Variants in CPA6 observed in about 807,000 individuals in gnomAD.
CPA6 encodes the protein carboxypeptidase A6.
CPA6 carries 58 observed loss-of-function variants against 63.3 expected under a neutral mutation model. The observed-to-expected ratio is 0.92, with a 90% CI of 0.74 to 1.14. The LOEUF is 1.14. Ranked by LOEUF, CPA6 falls within the 50% of genes most tolerant of loss-of-function variation. CPA6 has a pLI of 0.00. For missense variants in CPA6, 565 were observed against 526.6 expected (o/e 1.07, Z -0.71); for synonymous variants, 185 against 179.0 (o/e 1.03, Z -0.27).
At chr8:67,587,021 T>C (rs963106117) in intron 2 of CPA6, among the ~76,000 whole-genome samples, 3 of 152,242 alleles carry the variant, frequency 2.0e-5, no homozygotes, top group Admixed American at 6.5e-5. Context: ...GAAACTAGTA[T>C]GGCAAAGGCC....
intron 1 of CPA6, chr8:67,735,215 A>G (rs1817789750): frequency 6.6e-6 from 1 of 152,210 alleles, no homozygotes; most frequent in African/African-American, 2.4e-5. Context: ...GGATTAAAAC[A>G]TAAGCCCTCA....
intron 2 of CPA6, among the ~76,000 whole-genome samples, chr8:67,533,504 G>C (rs7831538): frequency 6.6e-6 from 1 of 151,848 alleles, no homozygotes; most frequent in Non-Finnish European, 1.5e-5. Flanking sequence ...AAATGAATTC[G>C]GGCACTATAG....
At chr8:67,662,071 G>C (rs186389150) in intron 1 of CPA6, among the ~76,000 whole-genome samples, 1 of 152,190 alleles carries the variant, frequency 6.6e-6, no homozygotes, top group Admixed American at 6.5e-5. Context: ...CCCCTCCTAA[G>C]ACCATGATTT....
At chr8:67,530,074 A>T (rs1422667552) in intron 2 of CPA6, among the ~76,000 whole-genome samples, 1 of 152,258 alleles carries the variant, frequency 6.6e-6, no homozygotes, top group Non-Finnish European at 1.5e-5. Context: ...AAGAGAGGAT[A>T]TGTTCAAGAA....
chr8:67,532,316 A>G (rs188608183), intron 2 of CPA6, among the ~76,000 whole-genome samples: 5 of 152,276 alleles, frequency 3.3e-5, no homozygotes, highest in Admixed American at 3.3e-4. Flanking sequence ...TAAGAAAGTG[A>G]CATAAATGTA....
intron 9 of CPA6, chr8:67,429,592 G>C (rs1300294348): frequency 6.6e-6 from 1 of 152,130 alleles, no homozygotes; most frequent in Non-Finnish European, 1.5e-5. Context: ...TGATCTCACT[G>C]ACGATGACAT....
At chr8:67,745,986 T>G (rs1048228849) in intron 1 of CPA6, 28 bp downstream of exon 1, 6 of 1,552,762 alleles carry the variant, frequency 3.9e-6, no homozygotes, top group Non-Finnish European at 5.3e-6. Flanking sequence ...ATCAAAGCTG[T>G]GTAGGGCATG....
intron 6 of CPA6, among the ~76,000 whole-genome samples, chr8:67,485,874 A>C (rs1031499209): frequency 6.6e-6 from 1 of 152,184 alleles, no homozygotes; most frequent in East Asian, 1.9e-4. Context: ...GCATTAATGC[A>C]CTCTGGTCTA....
intron 8 of CPA6, among the ~76,000 whole-genome samples, chr8:67,467,882 C>A (rs558334516): frequency 2.3e-5 from 3 of 131,000 alleles, no homozygotes; most frequent in African/African-American, 1.1e-4. Flanking sequence ...AGCGAAACCC[C>A]GTCTAAAAAA....
chr8:67,505,238 A>C (rs1321929865), intron 6 of CPA6, among the ~76,000 whole-genome samples: 1 of 152,202 alleles, frequency 6.6e-6, no homozygotes, highest in Non-Finnish European at 1.5e-5. Flanking sequence ...TGCATTAACA[A>C]ATATTTGAAC....
chr8:67,480,192 G>T (rs147509222), intron 8 of CPA6, among the ~76,000 whole-genome samples: 1 of 152,020 alleles, frequency 6.6e-6, no homozygotes, highest in African/African-American at 2.4e-5. Flanking sequence ...TAGCTGTATT[G>T]CTTTATAATC....
chr8:67,594,829 C>T (rs1445336141), intron 2 of CPA6, among the ~76,000 whole-genome samples: 2 of 152,170 alleles, frequency 1.3e-5, no homozygotes, highest in Non-Finnish European at 2.9e-5. Context: ...GTTTGAATTT[C>T]CTCCTGTAGC....
At chr8:67,609,028 G>C (rs1460658562) in intron 2 of CPA6, among the ~76,000 whole-genome samples, 1 of 152,188 alleles carries the variant, frequency 6.6e-6, no homozygotes, top group East Asian at 1.9e-4. Flanking sequence ...CCATCCCAAT[G>C]GGTATGCCAG....
intron 1 of CPA6, among the ~76,000 whole-genome samples, chr8:67,632,514 G>A (rs1228335113): frequency 1.3e-5 from 2 of 152,116 alleles, no homozygotes; most frequent in Middle Eastern, 3.4e-3. Context: ...TTCTCAGTAT[G>A]TTGCCCAGGC....
chr8:67,643,608 G>A (rs1815644331), intron 1 of CPA6, among the ~76,000 whole-genome samples: 1 of 152,140 alleles, frequency 6.6e-6, no homozygotes, highest in South Asian at 2.1e-4. Flanking sequence ...GAAGGAAGGG[G>A]AGAGGGAAAG....
At chr8:67,732,953 T>C (rs546729551) in intron 1 of CPA6, among the ~76,000 whole-genome samples, 2 of 151,942 alleles carry the variant, frequency 1.3e-5, no homozygotes, top group South Asian at 2.1e-4. Flanking sequence ...TCCCATCTCT[T>C]TGGGAGGCTG....
At chr8:67,595,977 G>A (rs929997826) in intron 2 of CPA6, among the ~76,000 whole-genome samples, 28 of 152,330 alleles carry the variant, frequency 1.8e-4, no homozygotes, top group African/African-American at 5.3e-4. Flanking sequence ...CTTCTGCGTC[G>A]CTCACGCTGG....
At chr8:67,652,857 G>A (rs1053981683) in intron 1 of CPA6, among the ~76,000 whole-genome samples, 1 of 151,078 alleles carries the variant, frequency 6.6e-6, no homozygotes, top group Non-Finnish European at 1.5e-5. Flanking sequence ...TTCTTCTAGG[G>A]TTTTTATGGT....
At chr8:67,574,164 T>C (rs2128976966) in intron 2 of CPA6, among the ~76,000 whole-genome samples, 1 of 151,720 alleles carries the variant, frequency 6.6e-6, no homozygotes, top group Non-Finnish European at 1.5e-5. Context: ...GATCACTTGA[T>C]GTCAGGAGTT....
Sources: gnomAD v4.1 joint callset for allele counts (sites outside exome capture counted in the v4.1 genomes callset) on GRCh38, gnomAD v4.1.1 for gene constraint, MANE v1.5 for transcripts, NCBI Gene and HGNC (gene_info 2026-07-23, HGNC 2026-07-21) for gene names.